PREX1: variants seen among roughly 807,000 people sequenced by gnomAD.
PREX1 encodes the protein phosphatidylinositol-3,4,5-trisphosphate dependent Rac exchange factor 1.
A neutral mutation model predicts 198.3 loss-of-function variants in PREX1; 41 were observed. The ratio of observed to expected loss-of-function variants is 0.21; its 90% CI spans 0.16 to 0.27. PREX1 has a LOEUF of 0.27. Among genes scored for constraint, PREX1 ranks in the 10% least tolerant of loss-of-function variants. The pLI, the probability that PREX1 is intolerant of heterozygous loss-of-function variation, is 1.00. For synonymous variants in PREX1, 843 were observed against 887.2 expected, an observed-to-expected ratio of 0.95 and a Z score of 0.89; for missense variants, 1,620 against 2,200.7, an observed-to-expected ratio of 0.74 and a Z score of 5.28.
At chr20:48,744,823 C>T (rs2090100362) in intron 3 of PREX1, among the ~76,000 whole-genome samples, 1 of 152,192 alleles carries the variant, frequency 6.6e-6, no homozygotes, top group African/African-American at 2.4e-5. Flanking sequence ...AGGAGAGTCA[C>T]TAAAAATGCC....
Position 48,630,648 on chromosome 20 carries a change from T to A in PREX1, c.4593+80A>T, listed in dbSNP as rs1442957829. 5 of 1,304,208 alleles carry A rather than the reference T, an allele frequency of 3.8e-6. No individual in the cohort carries two copies. In the Admixed American group the frequency reaches 8.7e-5, roughly 23 times the overall value. The allele number at this position is 1,304,208 out of a possible 1,614,324, so 80.8% of individuals were successfully genotyped here. On this transcript the variant is annotated intron_variant, in intron 36 of 39. Transcript: ENST00000371941. The stretch of plus-strand genomic sequence containing the variant: ...GCTAGAATCTGCTGGGGCACAACCC[T>A]GGGCCTGTCTGCTGAGTCCTGACTC...
chr20:48,663,891 C>T (rs1295810216), intron 15 of PREX1, among the ~76,000 whole-genome samples: 1 of 150,160 alleles, frequency 6.7e-6, no homozygotes, highest in Non-Finnish European at 1.5e-5. Flanking sequence ...TGTGCACACA[C>T]ATACAAGTGT....
At chr20:48,862,369 T>C in the PREX1 span, among the ~76,000 whole-genome samples, 1 of 152,222 alleles carries the variant, frequency 6.6e-6, no homozygotes, top group Admixed American at 6.5e-5. Context: ...ATAGCTTTTA[T>C]TGAGCATTTA....
At chr20:48,886,312 G>A in the PREX1 span, among the ~76,000 whole-genome samples, 1 of 152,316 alleles carries the variant, frequency 6.6e-6, no homozygotes, top group South Asian at 2.1e-4. Flanking sequence ...ACACGCAGGT[G>A]CTCTGATGTA....
the PREX1 span, among the ~76,000 whole-genome samples, chr20:48,862,009 A>C: frequency 3.3e-5 from 5 of 152,180 alleles, no homozygotes; most frequent in East Asian, 7.7e-4. Context: ...CAGGAGTTTG[A>C]GACCAGCCTG....
chr20:48,729,149 T>C (rs544104395), intron 4 of PREX1, among the ~76,000 whole-genome samples: 23 of 152,182 alleles, frequency 1.5e-4, no homozygotes, highest in African/African-American at 5.5e-4. Flanking sequence ...CAATCTCGGC[T>C]CACTGCAACC....
At chr20:48,656,473 C>T (rs999626898) in intron 18 of PREX1, 7 of 456,638 alleles carry the variant, frequency 1.5e-5, no homozygotes, top group African/African-American at 8.0e-5. Flanking sequence ...CTCCCTCTCA[C>T]TCACTGCTCC....
At chr20:48,635,845 T>G (rs2089358424) in intron 32 of PREX1, among the ~76,000 whole-genome samples, 1 of 152,156 alleles carries the variant, frequency 6.6e-6, no homozygotes, top group African/African-American at 2.4e-5. Flanking sequence ...AGCATCCCCA[T>G]GTGAGAAGAG....
intron 5 of PREX1, among the ~76,000 whole-genome samples, chr20:48,713,816 T>A (rs553197596): frequency 1.4e-5 from 2 of 142,752 alleles, no homozygotes; most frequent in African/African-American, 5.2e-5. Context: ...TGTAGACATA[T>A]GTAACAAAGC....
At chr20:48,714,883 G>T (rs1219780707) in intron 5 of PREX1, among the ~76,000 whole-genome samples, 1 of 152,152 alleles carries the variant, frequency 6.6e-6, no homozygotes, top group Non-Finnish European at 1.5e-5. Context: ...CACAGATATG[G>T]AAACTCGAAG....
the PREX1 span, among the ~76,000 whole-genome samples, chr20:48,884,563 G>C: frequency 6.6e-6 from 1 of 152,196 alleles, no homozygotes. Context: ...AAACTTCTTA[G>C]AAGAAAACAT....
the PREX1 span, among the ~76,000 whole-genome samples, chr20:48,840,882 G>T: frequency 2.0e-5 from 3 of 151,944 alleles, no homozygotes; most frequent in African/African-American, 7.3e-5. Flanking sequence ...GAGTGCAGTG[G>T]CATGATCATG....
chr20:48,676,055 ATC>A, intron 14 of PREX1, 136 bp downstream of exon 14: 24 of 832,298 alleles, frequency 2.9e-5, no homozygotes, highest in African/African-American at 5.2e-5. Context: ...AAAAAAAAAG[ATC>A]AAGATGGTAA....
intron 11 of PREX1, 141 bp from the exon 12 acceptor site, chr20:48,679,895 G>A (rs2089737611): frequency 3.0e-6 from 2 of 670,800 alleles, no homozygotes; most frequent in Admixed American, 5.2e-5. Flanking sequence ...CTTCACTGCT[G>A]GCCAGGCTTT....
chr20:48,729,050 C>T (rs987644314), intron 4 of PREX1, among the ~76,000 whole-genome samples: 3 of 151,986 alleles, frequency 2.0e-5, no homozygotes, highest in Non-Finnish European at 4.4e-5. Context: ...CATGCTGCCC[C>T]CCTGGCTGAT....
At chr20:48,841,571 C>T in the PREX1 span, among the ~76,000 whole-genome samples, 1 of 152,196 alleles carries the variant, frequency 6.6e-6, no homozygotes, top group East Asian at 1.9e-4. Context: ...GAGGGGTCCT[C>T]ACACATGGCC....
chr20:48,693,225 T>TCCAA (rs373710047), intron 7 of PREX1, among the ~76,000 whole-genome samples: 1 of 149,844 alleles, frequency 6.7e-6, no homozygotes, highest in African/African-American at 2.5e-5. Flanking sequence ...CATCCATCCA[T>TCCAA]CATCCACCTT....
At chr20:48,687,892 A>T (rs1466200219) in intron 10 of PREX1, among the ~76,000 whole-genome samples, 1 of 152,194 alleles carries the variant, frequency 6.6e-6, no homozygotes, top group Non-Finnish European at 1.5e-5. Flanking sequence ...AAACAGAGAA[A>T]GTGGAGGCTC....
At chr20:48,663,908 G>GCA (rs929076233) in intron 15 of PREX1, among the ~76,000 whole-genome samples, 1 of 143,924 alleles carries the variant, frequency 6.9e-6, no homozygotes, top group African/African-American at 2.9e-5. Context: ...GTGTGAGTGC[G>GCA]CGCACACACA....
Sources: allele counts gnomAD v4.1 joint callset (sites outside exome capture counted in the v4.1 genomes callset), GRCh38; gene constraint gnomAD v4.1.1; transcripts MANE v1.5; gene names NCBI Gene and HGNC (gene_info 2026-07-23, HGNC 2026-07-21).